RILPL2: variants seen among roughly 807,000 people sequenced by gnomAD.
RILPL2 encodes the protein RILP-like protein 2.
Under a neutral mutation model 22.2 loss-of-function variants are expected in RILPL2, and 19 were observed. The observed-to-expected ratio is 0.86, with a 90% CI of 0.60 to 1.25. The LOEUF (loss-of-function observed/expected upper bound fraction) is 1.25, where lower values mean the gene tolerates loss of function less well. Among genes scored for constraint, RILPL2 ranks in the 50% most tolerant of loss-of-function variants. The probability of loss-of-function intolerance (pLI) is 0.00; values close to 1 mark genes in which losing one functional copy is unlikely to be tolerated. For synonymous variants in RILPL2, 123 were observed against 111.6 expected (o/e 1.10, Z -0.64); for missense variants, 243 against 263.6 (o/e 0.92, Z 0.54).
chr12:123,411,342 G>T (rs115460384), downstream of RILPL2: 4,438 of 151,332 alleles, frequency 0.029, 135 homozygotes, highest in Middle Eastern at 0.085. Context: ...TTTGTTCATT[G>T]TAAAAGATGA....
At chr12:123,433,987 G>C (rs1381064669) in intron 1 of RILPL2, among the ~76,000 whole-genome samples, 1 of 152,180 alleles carries the variant, frequency 6.6e-6, no homozygotes, top group African/African-American at 2.4e-5. Context: ...ACTGTTCTGT[G>C]CCTCAGTTTT....
At chr12:123,428,144 A>T (rs548597265) in intron 2 of RILPL2, among the ~76,000 whole-genome samples, 31 of 151,118 alleles carry the variant, frequency 2.1e-4, no homozygotes, top group Non-Finnish European at 3.8e-4. Context: ...ATTTTATTCT[A>T]TTTTTTTTCT....
intron 3 of RILPL2, among the ~76,000 whole-genome samples, chr12:123,418,897 A>T (rs969182211): frequency 4.0e-5 from 6 of 150,296 alleles, no homozygotes; most frequent in Non-Finnish European, 8.8e-5. Context: ...AGTAGCTGGG[A>T]CTACAGGCTT....
At chr12:123,426,662 G>A (rs966225075) in intron 2 of RILPL2, among the ~76,000 whole-genome samples, 1 of 146,512 alleles carries the variant, frequency 6.8e-6, no homozygotes, top group Non-Finnish European at 1.5e-5. Context: ...GTGCAGTGGC[G>A]CGATCTCGGC....
At chr12:123,431,011 A>G (rs898900079) in intron 1 of RILPL2, among the ~76,000 whole-genome samples, 3 of 151,912 alleles carry the variant, frequency 2.0e-5, no homozygotes, top group African/African-American at 7.3e-5. Context: ...CGCCTGGCTA[A>G]TTTTGTATTT....
chr12:123,412,595 A>C (rs1256680670), downstream of RILPL2: 1 of 152,228 alleles, frequency 6.6e-6, no homozygotes, highest in African/African-American at 2.4e-5. Flanking sequence ...TCTGGGCTCA[A>C]GTCCTGCTTC....
chr12:123,410,997 A>G (rs1274567279), downstream of RILPL2: 1 of 152,124 alleles, frequency 6.6e-6, no homozygotes, highest in African/African-American at 2.4e-5. Flanking sequence ...GGCTGTGATT[A>G]CAGGCATGCG....
chr12:123,419,136 G>A (rs1020221323), intron 3 of RILPL2, among the ~76,000 whole-genome samples: 1 of 151,316 alleles, frequency 6.6e-6, no homozygotes, highest in African/African-American at 2.4e-5. Context: ...TCAGCCTCCC[G>A]AGTAGCTGGG....
Position 123,415,725 on chromosome 12 carries a change from A to C in RILPL2, c.*166T>G. The C allele has an allele frequency of 1.3e-6, 1 of 743,306 alleles. No homozygotes were observed. The highest frequency in any genetic ancestry group is 1.6e-5 in the South Asian group (1 of 62,120). The allele number at this position is 743,306 out of a possible 1,614,324, so 46.0% of individuals were successfully genotyped here. ...GTGTCTAGTTCTGCAGCCAGGGAGA[A>C]AGTGATGCCAAGAGAACCTCGTCTC... On this transcript the variant is annotated 3_prime_UTR_variant, in exon 4 of 4. Coordinates refer to ENST00000280571, the MANE Select transcript of RILPL2 (RefSeq NM_145058.3).
At chr12:123,410,487 T>G (rs1276441964), downstream of RILPL2, among the ~76,000 whole-genome samples, 1 of 152,188 alleles carries the variant, frequency 6.6e-6, no homozygotes, top group African/African-American at 2.4e-5. Context: ...ATAGGGATAA[T>G]CTCTGCCCAC....
rs776270378 is a variant in RILPL2, at chr12:123,436,390, C to G, written c.31G>C (p.Glu11Gln). 29 of 1,551,118 alleles carry G rather than the reference C, an allele frequency of 1.9e-5. No individual in the cohort carries two copies. The highest frequency in any genetic ancestry group is 2.4e-5 in the Non-Finnish European group (27 of 1,147,348). MEEPPVREEE[E>Q]EEGEEDEERD... Reference sequence around the variant, plus strand: ...TCCTCGTCCTCCTCTCCCTCCTCCTCTTCCTCTTCTCGCACAGGGGGCTCC... The same window carrying G: ...TCCTCGTCCTCCTCTCCCTCCTCCTGTTCCTCTTCTCGCACAGGGGGCTCC... Residue 11 changes from glutamate (E) to glutamine (Q), a missense_variant, in exon 1 of 4, where the codon GAG (glutamate) becomes CAG (glutamine). By Grantham distance (29) the Glu-to-Gln change is conservative. Transcript: ENST00000280571. The surrounding 1 kb of genome is among the most constrained non-coding windows in gnomAD (Gnocchi z 6.7).
intron 2 of RILPL2, 46 bp from the exon 3 acceptor site, chr12:123,423,203 G>GTTT (rs71085902): frequency 2.2e-3 from 1,825 of 824,700 alleles, no homozygotes; most frequent in South Asian, 3.8e-3. Flanking sequence ...ATTACAGATC[G>GTTT]TTTTTTTTTT....
chr12:123,421,287 A>G (rs1054271787), intron 3 of RILPL2, among the ~76,000 whole-genome samples: 2 of 151,722 alleles, frequency 1.3e-5, no homozygotes, highest in African/African-American at 2.4e-5. Flanking sequence ...CAAATGATCC[A>G]CCCACCTCGG....
intron 2 of RILPL2, among the ~76,000 whole-genome samples, chr12:123,429,971 C>T (rs537793017): frequency 5.9e-4 from 89 of 151,612 alleles, no homozygotes; most frequent in African/African-American, 1.9e-3. Context: ...AGAAAATTAG[C>T]TGGGCATGGT....
At chr12:123,416,067 C>T (rs527908241) in intron 3 of RILPL2, 146 bp from the exon 4 acceptor site, 36 of 836,420 alleles carry the variant, frequency 4.3e-5, no homozygotes, top group Non-Finnish European at 1.2e-5. Context: ...GCCTGTAATC[C>T]TATGATTTTG....
chr12:123,434,776 A>G (rs1271841010), intron 1 of RILPL2, among the ~76,000 whole-genome samples: 1 of 152,018 alleles, frequency 6.6e-6, no homozygotes, highest in African/African-American at 2.4e-5. Context: ...CCTGATTAAG[A>G]TATGGGACAC....
intron 3 of RILPL2, among the ~76,000 whole-genome samples, 172 bp downstream of exon 3, chr12:123,422,872 G>C (rs956940299): frequency 6.6e-6 from 1 of 152,168 alleles, no homozygotes; most frequent in Admixed American, 6.6e-5. Flanking sequence ...GCTACTGCCT[G>C]GCAGATATCA....
chr12:123,421,671 CTTTTTTT>C (rs561071129), intron 3 of RILPL2, among the ~76,000 whole-genome samples: 4 of 135,792 alleles, frequency 2.9e-5, no homozygotes, highest in Non-Finnish European at 6.4e-5. Flanking sequence ...TGGGTTATTC[CTTTTTTT>C]TTTTTTTTTT....
At chr12:123,426,197 G>A (rs1299088024) in intron 2 of RILPL2, among the ~76,000 whole-genome samples, 1 of 152,072 alleles carries the variant, frequency 6.6e-6, no homozygotes, top group Non-Finnish European at 1.5e-5. Flanking sequence ...CACCCAGGCT[G>A]GAGTGCAGTG....
Sources: allele counts gnomAD v4.1 joint callset (sites outside exome capture counted in the v4.1 genomes callset), GRCh38; gene constraint gnomAD v4.1.1; non-coding constraint Gnocchi (gnomAD v3.1); transcripts MANE v1.5; gene names NCBI Gene and HGNC (gene_info 2026-07-23, HGNC 2026-07-21).